Variants in LMBR1L observed in about 807,000 individuals in gnomAD.
LMBR1L encodes limb development membrane protein 1 like.
LMBR1L carries 47 observed loss-of-function variants against 67.3 expected under a neutral mutation model. The observed-to-expected ratio is 0.70, with a 90% CI of 0.55 to 0.89. LMBR1L has a LOEUF of 0.89. Among genes scored for constraint, LMBR1L ranks in the 40% least tolerant of loss-of-function variants. The pLI, the probability that LMBR1L is intolerant of heterozygous loss-of-function variation, is 0.00. For missense variants in LMBR1L, 533 were observed against 599.2 expected, an observed-to-expected ratio of 0.89 and a Z score of 1.15; for synonymous variants, 247 against 250.3, an observed-to-expected ratio of 0.99 and a Z score of 0.13.
chr12:49,099,716 G>C (rs1031482776), intron 15 of LMBR1L, among the ~76,000 whole-genome samples: 3 of 151,774 alleles, frequency 2.0e-5, no homozygotes, highest in Admixed American at 1.3e-4. Flanking sequence ...CGAGTAGCTG[G>C]GACTACAGGC....
intron 13 of LMBR1L, 94 bp downstream of exon 13, chr12:49,101,156 T>A (rs1334899918): frequency 2.5e-6 from 4 of 1,611,556 alleles, no homozygotes; most frequent in Non-Finnish European, 2.5e-6. Flanking sequence ...TTGCTCAGAG[T>A]CCCAAAGGAG....
chr12:49,107,011 A>G lies in LMBR1L; in HGVS notation c.107T>C (p.Leu36Pro). The change falls in exon 2 of 17, where the codon CTC becomes CCC. Residue 36 changes from leucine (L) to proline (P), a missense_variant. By Grantham distance (98) the Leu-to-Pro change is moderately conservative. Transcript: ENST00000267102. ...GAAGCGGGTCAGGAAGATGTGGCAG[A>G]GGATGTACAGTGTTGCAAACAGAAG... The part of the protein sequence containing the change: ...STLLFATLYI[L>P]CHIFLTRFKK... 6.2e-7 allele frequency: 1 copy of G among 1,613,840 alleles called. No homozygotes were observed. The highest frequency in any genetic ancestry group is 8.5e-7 in the Non-Finnish European group (1 of 1,179,674).
At chr12:49,106,065 A>G (rs1038566011) in intron 2 of LMBR1L, 108 bp from the exon 3 acceptor site, 4 of 919,526 alleles carry the variant, frequency 4.4e-6, no homozygotes, top group Non-Finnish European at 6.8e-6. Flanking sequence ...CCCTCAAAGA[A>G]GGCAGAGCTG....
rs1408373823 is a variant in LMBR1L at position 49,103,123 on chromosome 12, C to T, written c.599G>A (p.Cys200Tyr). ...WEYYLPYLYS[C>Y]ISFLGVLLLL... ...CAGCAGAACCCCAAGGAAGGAGATG[C>T]ATGAGTAGAGGTAGGGGAGATAGTA... The change falls in exon 7 of 17, where the codon TGC becomes TAC. Residue 200 changes from cysteine to tyrosine, a missense_variant. This residue lies in a region of LMBR1L where 246 missense variants were observed against 249.0 expected (regional missense o/e 0.99). Transcript: ENST00000267102. The T allele has an allele frequency of 1.2e-6, 2 of 1,614,030 alleles. No individual in the cohort carries two copies. Among genetic ancestry groups the T allele is most frequent in the South Asian group, 1.1e-5 (1 of 91,080 alleles).
chr12:49,100,575 T>G lies in LMBR1L; in HGVS notation c.1154A>C (p.His385Pro). 2 of 1,614,146 alleles carry G rather than the reference T, an allele frequency of 1.2e-6. No individual in the cohort carries two copies. The highest frequency in any genetic ancestry group is 1.7e-6 in the Non-Finnish European group (2 of 1,180,030). The change falls in exon 14 of 17, where the codon CAC (histidine) becomes CCC (proline). Residue 385 changes from histidine (H) to proline (P), a missense_variant. By Grantham distance (77) the His-to-Pro change is moderately conservative. Transcript: ENST00000267102. ...PLFRSLRPRW[H>P]DTAMTQIIGN... ...AGCTACCTGCGTCATGGCAGTGTCG[T>G]GCCATCTGGGCCGCAGGCTCCGGAA...
chr12:49,105,836 C>A, intron 3 of LMBR1L, 88 bp downstream of exon 3: 1 of 1,101,712 alleles, frequency 9.1e-7, no homozygotes, highest in Non-Finnish European at 1.3e-6. Context: ...CTGTGTGAGA[C>A]TTCCCCCTTC....
intron 1 of LMBR1L, among the ~76,000 whole-genome samples, chr12:49,108,561 C>CAAAAAAAAAAA (rs35533408): frequency 2.1e-5 from 1 of 47,544 alleles, no homozygotes; most frequent in East Asian, 7.3e-4. Context: ...GACTGAGTCT[C>CAAAAAAAAAAA]AAAAAAAAAA....
Position 49,102,543 on chromosome 12 carries a change from AG to A in LMBR1L, c.697-4del, listed in dbSNP as rs776032427. 1.2e-6 allele frequency: 2 copies of A among 1,613,944 alleles called. No homozygotes were observed. The highest frequency in any genetic ancestry group is 1.7e-6 in the Non-Finnish European group (2 of 1,179,944). ...TGCTCCTCCAGGTCTTCCAGCAGCT[AG>A]GGGCAGGGGAAAGGAAGAGACTAAC... On this transcript the variant is annotated splice_region_variant and splice_polypyrimidine_tract_variant and intron_variant, in intron 8 of 16. Coordinates refer to ENST00000267102, the MANE Select transcript of LMBR1L (RefSeq NM_018113.4).
At chr12:49,104,576 AGT>A (rs1309829822) in intron 4 of LMBR1L, 25 bp from the exon 5 acceptor site, 1 of 1,598,252 alleles carries the variant, frequency 6.3e-7, no homozygotes, top group African/African-American at 1.3e-5. Flanking sequence ...GAAGAGCAGA[AGT>A]GGTCAGTAAG....
intron 1 of LMBR1L, chr12:49,109,750 T>C: frequency 2.2e-6 from 1 of 456,538 alleles, no homozygotes. Flanking sequence ...AGTCCACTTC[T>C]GTGCGCAAGG....
At chr12:49,099,511 G>T (rs962371657) in intron 15 of LMBR1L, among the ~76,000 whole-genome samples, 1 of 151,836 alleles carries the variant, frequency 6.6e-6, no homozygotes, top group Non-Finnish European at 1.5e-5. Flanking sequence ...TATTTAGGGG[G>T]AGGTAGGAGG....
At position 49,102,286 on chromosome 12, in the gene LMBR1L, C is replaced by T. The variant is rs761700157; in HGVS notation, c.853+7G>A. On this transcript the variant is annotated splice_region_variant and intron_variant, in intron 10 of 16. Coordinates refer to ENST00000267102, the MANE Select transcript of LMBR1L (RefSeq NM_018113.4). ...CCAGGTATCCCAAGCCCTACGAAGCCACATACCCAGCAGGACCCTCTGTGT... is the reference window on the plus strand; with the variant it reads ...CCAGGTATCCCAAGCCCTACGAAGCTACATACCCAGCAGGACCCTCTGTGT... The T allele has an allele frequency of 1.2e-6, 2 of 1,614,168 alleles. No homozygotes were observed. The highest frequency in any genetic ancestry group is 1.7e-6 in the Non-Finnish European group (2 of 1,179,980).
At chr12:49,109,663 A>G (rs1941311536) in intron 1 of LMBR1L, 1 of 456,032 alleles carries the variant, frequency 2.2e-6, no homozygotes, top group South Asian at 1.5e-5. Context: ...GAAAGGAGAG[A>G]GGTGAAAATT....
intron 15 of LMBR1L, among the ~76,000 whole-genome samples, chr12:49,098,876 GCA>G (rs1441488860): frequency 2.0e-5 from 3 of 152,118 alleles, no homozygotes; most frequent in South Asian, 2.1e-4. Context: ...GAGTGCAGTG[GCA>G]CAGTCTTAGC....
chr12:49,103,425 A>T lies in LMBR1L; in HGVS notation c.562+262T>A, dbSNP rs116343411. Among the ~76,000 whole-genome samples the T allele has an allele frequency of 7.5e-3, 1,145 of 152,302 alleles. 12 individuals carry two copies. The highest frequency in any genetic ancestry group is 0.026 in the African/African-American group (1,070 of 41,564). ...TAGCCAGATCTTCTCCTTGTCAAAC[A>T]AAGTTAGATATCTGGATATTAATGT... On this transcript the variant is annotated intron_variant, in intron 6 of 16. Transcript: ENST00000267102.
rs1410294150 is a variant in LMBR1L at position 49,103,583 on chromosome 12, G to A, written c.562+104C>T. On this transcript the variant is annotated intron_variant, in intron 6 of 16. Coordinates refer to ENST00000267102, the MANE Select transcript of LMBR1L (RefSeq NM_018113.4). ...CAGTTTGAAACTTCAGTCTAAGGGA[G>A]AAGGTGCCAACATTTTCCACTTTAG... is the stretch of plus-strand genomic sequence containing the variant. 10 of 1,401,970 alleles carry A rather than the reference G, an allele frequency of 7.1e-6. No homozygotes were observed. In the African/African-American group the frequency reaches 1.2e-4, roughly 16 times the overall value. 86.8% of individuals were successfully genotyped at this position (1,401,970 alleles called of 1,614,324 possible).
rs369942217 is a variant in LMBR1L, at chr12:49,102,324, G to A, written c.822C>T (p.Val274=). 5 of 1,614,096 alleles carry A rather than the reference G, an allele frequency of 3.1e-6. No individual in the cohort carries two copies. Among genetic ancestry groups the A allele is most frequent in the African/African-American group, 1.3e-5 (1 of 74,922 alleles). ...GGACCCTCTGTGTCTGCAGAGCCAG[G>A]ACCTGTCTGTGTAGCAGCTCCATGT... is the stretch of plus-strand genomic sequence containing the variant. ...PLDMELLHRQ[V]LALQTQRVLL... is the part of the protein sequence containing the mutation. Residue 274 remains valine, a synonymous_variant, in exon 10 of 17, where the codon GTC becomes GTT. Transcript: ENST00000267102.
rs184043629 is a variant in LMBR1L, at chr12:49,102,115, C to T, written c.930+5G>A. 5.6e-6 allele frequency: 9 copies of T among 1,613,740 alleles called. No homozygotes were observed. In the Admixed American group the frequency reaches 1.2e-4, roughly 21 times the overall value. The stretch of plus-strand genomic sequence containing the variant: ...ACTCCTCACCTCTAGGGCTGGTATA[C>T]CTACCGTCAGCACCAGCAAGCACAG... On this transcript the variant is annotated splice_donor_5th_base_variant and intron_variant, in intron 11 of 16. Coordinates refer to ENST00000267102, the MANE Select transcript of LMBR1L (RefSeq NM_018113.4).
chr12:49,103,637 C>G (rs779140591), intron 6 of LMBR1L, 50 bp downstream of exon 6: 1 of 1,570,850 alleles, frequency 6.4e-7, no homozygotes. Flanking sequence ...GGCAGGGGGA[C>G]ATGGGCCAAC....
Sources: gnomAD v4.1 joint callset for allele counts (sites outside exome capture counted in the v4.1 genomes callset) on GRCh38, gnomAD v4.1.1 for gene constraint, gnomAD v4.1.1 regional missense constraint, MANE v1.5 for transcripts, NCBI Gene and HGNC (gene_info 2026-07-23, HGNC 2026-07-21) for gene names.